LRRC37A2: variants seen among roughly 807,000 people sequenced by gnomAD.
LRRC37A2 encodes the protein leucine rich repeat containing 37 member A2, also known as leucine-rich repeat-containing protein 37A2.
A neutral mutation model predicts 68.8 loss-of-function variants in LRRC37A2; 9 were observed. That is an observed-to-expected ratio of 0.13 (90% confidence interval 0.08 to 0.23). The LOEUF (loss-of-function observed/expected upper bound fraction) is 0.23, where lower values mean the gene tolerates loss of function less well. LRRC37A2 is among the 10% of genes least tolerant of loss of function. LRRC37A2 has a pLI of 1.00. For missense variants in LRRC37A2, 168 were observed against 950.4 expected (o/e 0.18, Z 10.82); for synonymous variants, 63 against 367.6 (o/e 0.17, Z 9.48).
At chr17:46,897,976 G>T in the LRRC37A2 span, among the ~76,000 whole-genome samples, 1 of 152,128 alleles carries the variant, frequency 6.6e-6, no homozygotes, top group Non-Finnish European at 1.5e-5. Context: ...GGGGGTACAT[G>T]GCCTCTAATG....
At chr17:46,929,610 A>T in the LRRC37A2 span, 6 of 1,189,822 alleles carry the variant, frequency 5.0e-6, no homozygotes, top group Non-Finnish European at 6.3e-6. Context: ...TGGAGACCAG[A>T]GTCCTTTCTC....
At chr17:46,871,834 C>T in the LRRC37A2 span, among the ~76,000 whole-genome samples, 1 of 152,182 alleles carries the variant, frequency 6.6e-6, no homozygotes, top group African/African-American at 2.4e-5. Flanking sequence ...TCCTTCCTTC[C>T]TTCCCTTCTC....
the LRRC37A2 span, among the ~76,000 whole-genome samples, chr17:46,796,590 C>T: frequency 1.3e-4 from 20 of 152,214 alleles, no homozygotes; most frequent in African/African-American, 4.1e-4. Context: ...GAGAGGCAAG[C>T]GCAACTTGGT....
the LRRC37A2 span, among the ~76,000 whole-genome samples, chr17:46,597,788 CTTTTTTT>C: frequency 2.3e-5 from 1 of 44,170 alleles, no homozygotes; most frequent in African/African-American, 7.0e-5. Context: ...TTGCAATACT[CTTTTTTT>C]TTTTTTTTTT....
chr17:46,980,319 TCTTC>T, the LRRC37A2 span, among the ~76,000 whole-genome samples: 1 of 142,798 alleles, frequency 7.0e-6, no homozygotes, highest in South Asian at 2.3e-4. Context: ...CTTTCCTTCT[TCTTC>T]CTTCTCCCTT....
At chr17:46,923,727 A>G in the LRRC37A2 span, 7 of 462,346 alleles carry the variant, frequency 1.5e-5, no homozygotes, top group Admixed American at 4.3e-5. Context: ...AGCATTCACT[A>G]TTATTACTTG....
the LRRC37A2 span, among the ~76,000 whole-genome samples, chr17:46,974,277 C>T: frequency 6.6e-6 from 1 of 151,938 alleles, no homozygotes; most frequent in African/African-American, 2.4e-5. Flanking sequence ...CCGTTGCTCA[C>T]CCAGTGCCTG....
chr17:46,936,224 CT>C, the LRRC37A2 span: 83 of 985,338 alleles, frequency 8.4e-5, no homozygotes, highest in Non-Finnish European at 8.8e-5. Flanking sequence ...TCTGCCCTTT[CT>C]TTAGAAAACT....
intron 11 of LRRC37A2, among the ~76,000 whole-genome samples, chr17:46,552,950 G>A (rs1364739715): frequency 8.4e-5 from 12 of 143,190 alleles, no homozygotes; most frequent in Non-Finnish European, 1.3e-4. Flanking sequence ...AGCTACTCAA[G>A]AGGCTGAGGT....
the LRRC37A2 span, among the ~76,000 whole-genome samples, chr17:46,962,283 T>A: frequency 6.6e-6 from 1 of 150,910 alleles, no homozygotes. Flanking sequence ...GAGCCGAGAT[T>A]GCGCCACTGC....
chr17:46,492,132 T>A, the LRRC37A2 span, among the ~76,000 whole-genome samples: 9 of 151,402 alleles, frequency 5.9e-5, no homozygotes. Context: ...CCTGGCTAAT[T>A]TTTGGTATTT....
chr17:47,043,223 T>C, the LRRC37A2 span, among the ~76,000 whole-genome samples: 2 of 152,046 alleles, frequency 1.3e-5, no homozygotes, highest in Admixed American at 1.3e-4. Context: ...TCCAGCATTT[T>C]GGAATAAAAA....
the LRRC37A2 span, chr17:46,924,181 C>G: frequency 1.6e-5 from 4 of 251,244 alleles, no homozygotes; most frequent in South Asian, 1.7e-4. Flanking sequence ...ATGAGTTTAC[C>G]TATTCTAGAT....
chr17:46,882,965 T>A, the LRRC37A2 span, among the ~76,000 whole-genome samples: 1 of 151,382 alleles, frequency 6.6e-6, no homozygotes, highest in Non-Finnish European at 1.5e-5. Context: ...ACCCCAGGGG[T>A]CCATACAACC....
chr17:46,785,415 G>A, the LRRC37A2 span, among the ~76,000 whole-genome samples: 2 of 152,180 alleles, frequency 1.3e-5, no homozygotes, highest in Non-Finnish European at 2.9e-5. Context: ...AGTGATCCAC[G>A]CCATAGGAGA....
chr17:46,724,172 A>G, the LRRC37A2 span, among the ~76,000 whole-genome samples: 1 of 152,202 alleles, frequency 6.6e-6, no homozygotes, highest in Admixed American at 6.5e-5. Context: ...ACTGTTGTTC[A>G]TGCTTCAAGT....
chr17:46,725,155 C>G, the LRRC37A2 span, among the ~76,000 whole-genome samples: 1 of 152,006 alleles, frequency 6.6e-6, no homozygotes, highest in Non-Finnish European at 1.5e-5. Flanking sequence ...AATCCTGTGC[C>G]AAAGGAGAAG....
chr17:46,756,205 G>A, the LRRC37A2 span: 3 of 172,078 alleles, frequency 1.7e-5, no homozygotes, highest in East Asian at 4.4e-4. Context: ...ACAACAGTTG[G>A]CCGATTAGAA....
At chr17:46,521,386 C>A (rs1341817936) in intron 4 of LRRC37A2, among the ~76,000 whole-genome samples, 1 of 49,910 alleles carries the variant, frequency 2.0e-5, no homozygotes, top group African/African-American at 7.2e-5. Flanking sequence ...AATAAAACTA[C>A]GTTTCCTTTA....
Sources: allele counts gnomAD v4.1 joint callset (sites outside exome capture counted in the v4.1 genomes callset), GRCh38; gene constraint gnomAD v4.1.1; transcripts MANE v1.5; gene names NCBI Gene and HGNC (gene_info 2026-07-23, HGNC 2026-07-21).